TLN2: variants seen among roughly 807,000 people sequenced by gnomAD.
The protein encoded by TLN2 is talin 2.
TLN2 carries 118 observed loss-of-function variants against 294.7 expected under a neutral mutation model. That is an observed-to-expected ratio of 0.40 (90% confidence interval 0.34 to 0.47). TLN2 has a LOEUF of 0.47. Among genes scored for constraint, TLN2 ranks in the 20% least tolerant of loss-of-function variants. TLN2 has a pLI of 0.84. For missense variants in TLN2, 3,083 were observed against 3,282.2 expected (o/e 0.94, Z 1.48); for synonymous variants, 1,431 against 1,304.5 (o/e 1.10, Z -2.09).
At chr15:62,608,368 G>A (rs2047628210) in intron 2 of TLN2, among the ~76,000 whole-genome samples, 1 of 152,150 alleles carries the variant, frequency 6.6e-6, no homozygotes, top group Non-Finnish European at 1.5e-5. Flanking sequence ...AGTGTGGTGA[G>A]CTGTAGTCAG....
chr15:62,716,428 C>T lies in TLN2; in HGVS notation c.2732C>T (p.Ala911Val), dbSNP rs1336099880. 1 of 1,607,560 alleles carries T rather than the reference C, an allele frequency of 6.2e-7. No individual in the cohort carries two copies. The highest frequency in any genetic ancestry group is 2.3e-5 in the East Asian group (1 of 44,336). Residue 911 changes from alanine to valine, a missense_variant, in exon 23 of 59, where the codon GCT becomes GTT. By Grantham distance (64) the Ala-to-Val change is moderately conservative (BLOSUM62 0). Coordinates refer to ENST00000636159, the MANE Select transcript of TLN2 (RefSeq NM_015059.3). ...GCAACCAACGCAGCTGCCCAGAATG[C>T]TATTAAGAAAAAAATTGTCAACCGA... ...RVATNAAAQN[A>V]IKKKIVNRLE...
At chr15:62,413,696 C>T (rs1434416922) in intron 1 of TLN2, among the ~76,000 whole-genome samples, 3 of 152,164 alleles carry the variant, frequency 2.0e-5, no homozygotes, top group Non-Finnish European at 4.4e-5. Flanking sequence ...AAGGCTGAAA[C>T]TTTACAGCGA....
At chr15:62,690,831 C>A (rs559813458) in intron 12 of TLN2, among the ~76,000 whole-genome samples, 9 of 151,630 alleles carry the variant, frequency 5.9e-5, no homozygotes, top group African/African-American at 2.2e-4. Context: ...GCCAACACAG[C>A]GAAACCCCGT....
intron 4 of TLN2, among the ~76,000 whole-genome samples, chr15:62,647,776 C>T (rs150625691): frequency 3.3e-5 from 5 of 152,240 alleles, no homozygotes; most frequent in South Asian, 2.1e-4. Flanking sequence ...ACAGTATTGG[C>T]GGTATGTGTC....
At chr15:62,439,513 A>G (rs962190320) in intron 1 of TLN2, among the ~76,000 whole-genome samples, 1 of 152,154 alleles carries the variant, frequency 6.6e-6, no homozygotes. Flanking sequence ...GGGTTTAGTC[A>G]TGTTGGCCAG....
chr15:62,522,111 G>C (rs577021160), intron 1 of TLN2, among the ~76,000 whole-genome samples: 2 of 152,196 alleles, frequency 1.3e-5, no homozygotes, highest in African/African-American at 2.4e-5. Flanking sequence ...CAGGAAGACT[G>C]TTCAGTTGGT....
chr15:62,668,282 CTG>C (rs530246998), intron 9 of TLN2, among the ~76,000 whole-genome samples: 167 of 152,306 alleles, frequency 1.1e-3, no homozygotes, highest in African/African-American at 3.9e-3. Flanking sequence ...ATTTGCTTGA[CTG>C]TAGAAATTCC....
chr15:62,696,579 G>A (rs2058354153), intron 14 of TLN2, among the ~76,000 whole-genome samples: 1 of 152,056 alleles, frequency 6.6e-6, no homozygotes, highest in Non-Finnish European at 1.5e-5. Context: ...GTGGTGGCAG[G>A]TGCTGGTAAT....
intron 1 of TLN2, among the ~76,000 whole-genome samples, chr15:62,465,823 C>T (rs1256096262): frequency 6.6e-6 from 1 of 152,072 alleles, no homozygotes; most frequent in Non-Finnish European, 1.5e-5. Context: ...TCTGTTTATG[C>T]ATTTCTGCAG....
In TLN2 at chr15:62,716,366, G is replaced by A. The variant is rs1448071936; in HGVS notation, c.2670G>A (p.Gln890=). The A allele has an allele frequency of 5.6e-6, 9 of 1,610,150 alleles. No homozygotes were observed. The highest frequency in any genetic ancestry group is 1.1e-5 in the South Asian group (1 of 90,438). Residue 890 remains glutamine, a synonymous_variant, in exon 23 of 59, where the codon CAG becomes CAA. Transcript: ENST00000636159. ...CCAACCCAGAGAATGAGGACCAGCAGCAAAGGCTGAGAGAAGCTGCAGAAG... is the reference window on the plus strand; with the variant it reads ...CCAACCCAGAGAATGAGGACCAGCAACAAAGGCTGAGAGAAGCTGCAGAAG... ...AAANPENEDQ[Q]QRLREAAEGL...
intron 1 of TLN2, among the ~76,000 whole-genome samples, chr15:62,417,391 A>G (rs2034144581): frequency 6.6e-6 from 1 of 152,172 alleles, no homozygotes; most frequent in Non-Finnish European, 1.5e-5. Context: ...CATGCTTTTT[A>G]GACCAAGCGT....
intron 51 of TLN2, 40 bp downstream of exon 51, chr15:62,805,825 T>C: frequency 6.3e-7 from 1 of 1,592,602 alleles, no homozygotes; most frequent in Non-Finnish European, 8.6e-7. Flanking sequence ...CAGATGATTC[T>C]CTGTCGTGAC....
intron 1 of TLN2, among the ~76,000 whole-genome samples, chr15:62,582,233 C>G (rs56274442): frequency 2.8e-5 from 3 of 108,530 alleles, no homozygotes; most frequent in Non-Finnish European, 6.9e-5. Context: ...CACACACACA[C>G]ACACACACAC....
At chr15:62,839,047 A>C (rs1344415957) in intron 58 of TLN2, 66 bp downstream of exon 58, 7 of 1,559,074 alleles carry the variant, frequency 4.5e-6, no homozygotes, top group Admixed American at 1.9e-5. Flanking sequence ...ACAGAGACAA[A>C]AGAATAGTGA....
At chr15:62,470,714 C>G (rs563036036) in intron 1 of TLN2, among the ~76,000 whole-genome samples, 3 of 152,170 alleles carry the variant, frequency 2.0e-5, no homozygotes, top group African/African-American at 7.2e-5. Context: ...TGTTACCCAC[C>G]GAGCCAGTGC....
chr15:62,600,917 A>G (rs2046945267), intron 2 of TLN2, among the ~76,000 whole-genome samples: 1 of 152,216 alleles, frequency 6.6e-6, no homozygotes, highest in Non-Finnish European at 1.5e-5. Context: ...TATTTTCTGA[A>G]TATTATCTAA....
At chr15:62,400,660 C>T (rs934838716) in intron 1 of TLN2, among the ~76,000 whole-genome samples, 8 of 151,872 alleles carry the variant, frequency 5.3e-5, no homozygotes, top group African/African-American at 1.9e-4. Context: ...ATGTGAAGGG[C>T]ATTGAGAATA....
rs897141070 is a variant in TLN2 at position 62,718,294 on chromosome 15, C to T, written c.2877+605C>T. On this transcript the variant is annotated intron_variant, in intron 24 of 58. Coordinates refer to ENST00000636159, the MANE Select transcript of TLN2 (RefSeq NM_015059.3). ...CCCCCAGGGCTCCTCTTAATGGTGGCAGACACAAAGTCCAGTTGCAAAGCC... is the reference window on the plus strand; with the variant it reads ...CCCCCAGGGCTCCTCTTAATGGTGGTAGACACAAAGTCCAGTTGCAAAGCC... Among the ~76,000 whole-genome samples, 12 of 152,334 alleles carry T rather than the reference C, an allele frequency of 7.9e-5. No homozygotes were observed. The South Asian group carries it at 2.5e-3, about 32-fold the overall frequency.
At chr15:62,633,169 C>T (rs2050071549) in intron 3 of TLN2, among the ~76,000 whole-genome samples, 1 of 152,204 alleles carries the variant, frequency 6.6e-6, no homozygotes, top group African/African-American at 2.4e-5. Context: ...GGCACGGGCC[C>T]TGGAGGCAGA....
Sources: gnomAD v4.1 joint callset for allele counts (sites outside exome capture counted in the v4.1 genomes callset) on GRCh38, gnomAD v4.1.1 for gene constraint, MANE v1.5 for transcripts, NCBI Gene and HGNC (gene_info 2026-07-23, HGNC 2026-07-21) for gene names.